The following NFATC3 variants were observed in gnomAD, a reference collection of about 807,000 sequenced individuals.
NFATC3 encodes nuclear factor of activated T-cells, cytoplasmic 3.
NFATC3 carries 46 observed loss-of-function variants against 98.6 expected under a neutral mutation model. The observed-to-expected ratio is 0.47, with a 90% CI of 0.37 to 0.60. The LOEUF is 0.60. Ranked by LOEUF, NFATC3 falls within the 20% of genes least tolerant of loss-of-function variation. The pLI is 0.00. For missense variants in NFATC3, 1,256 were observed against 1,295.5 expected, an observed-to-expected ratio of 0.97 and a Z score of 0.47; for synonymous variants, 512 against 472.2, an observed-to-expected ratio of 1.08 and a Z score of -1.09.
intron 3 of NFATC3, among the ~76,000 whole-genome samples, chr16:68,133,813 T>C (rs1048608484): frequency 6.6e-6 from 1 of 152,154 alleles, no homozygotes; most frequent in African/African-American, 2.4e-5. Flanking sequence ...TTATCTGTTA[T>C]CTTTTCATGG....
Position 68,105,887 on chromosome 16 carries a change from C to CT in NFATC3, c.104-16091dup, listed in dbSNP as rs200560479. On this transcript the variant is annotated intron_variant, in intron 1 of 9. Transcript: ENST00000346183. ...TACGATTGTTCATAGTATTCTTCTT[C>CT]TTTTTTTTTGAGACAGAGTCTCACT... Among the ~76,000 whole-genome samples the CT allele has an allele frequency of 7.0e-3, 1,052 of 151,002 alleles. 13 individuals are homozygous for CT. Among genetic ancestry groups the CT allele is most frequent in the South Asian group, 0.035 (168 of 4,762 alleles).
intron 1 of NFATC3, among the ~76,000 whole-genome samples, chr16:68,105,612 T>C (rs1236956831): frequency 1.3e-5 from 2 of 152,176 alleles, no homozygotes; most frequent in African/African-American, 4.8e-5. Flanking sequence ...AATACTGGCC[T>C]CATAGAATGT....
At chr16:68,172,956 AG>A (rs2039531152) in intron 5 of NFATC3, among the ~76,000 whole-genome samples, 1 of 152,128 alleles carries the variant, frequency 6.6e-6, no homozygotes, top group Non-Finnish European at 1.5e-5. Context: ...CACTGTTTAT[AG>A]AAGTTGATAA....
intron 1 of NFATC3, among the ~76,000 whole-genome samples, chr16:68,087,518 T>A (rs1242693703): frequency 6.6e-6 from 1 of 152,216 alleles, no homozygotes; most frequent in Non-Finnish European, 1.5e-5. Context: ...CACTTTAAAA[T>A]ATTTTAAGCA....
intron 8 of NFATC3, 73 bp from the exon 9 acceptor site, chr16:68,190,695 C>A: frequency 1.4e-6 from 2 of 1,461,070 alleles, no homozygotes; most frequent in Non-Finnish European, 9.2e-7. Flanking sequence ...AGTTGTGTAA[C>A]CTAGCATGAA....
Position 68,226,436 on chromosome 16 carries a change from GA to G in NFATC3, c.3194del (p.Glu1065GlyfsTer5), listed in dbSNP as rs1273795935. On this transcript the variant is annotated frameshift_variant, in exon 10 of 10. Coordinates refer to ENST00000346183, the MANE Select transcript of NFATC3 (RefSeq NM_173165.3). LOFTEE classifies it high-confidence loss of function. ...CAGGCAGGCTCCCCTCCCGAGTCCT[GA>G]GTCCCTGGATTTAGGAAGATCTGAT... is the stretch of plus-strand genomic sequence containing the variant. ...VSRQAPLPSP[E>X]SLDLGRSDGL The G allele has an allele frequency of 6.4e-7, 1 of 1,564,180 alleles. No individual in the cohort carries two copies. The highest frequency in any genetic ancestry group is 8.6e-7 in the Non-Finnish European group (1 of 1,160,534).
intron 4 of NFATC3, among the ~76,000 whole-genome samples, chr16:68,160,124 T>G (rs1374344247): frequency 6.6e-6 from 1 of 152,098 alleles, no homozygotes; most frequent in Non-Finnish European, 1.5e-5. Context: ...TCATTTAAAT[T>G]TATATTTAAA....
chr16:68,158,358 T>A (rs2038717818), intron 4 of NFATC3, among the ~76,000 whole-genome samples: 1 of 152,120 alleles, frequency 6.6e-6, no homozygotes, highest in Non-Finnish European at 1.5e-5. Context: ...TCTAATAGGG[T>A]AGACAATAAA....
intron 9 of NFATC3, chr16:68,224,920 A>G (rs1266018842): frequency 3.3e-5 from 5 of 152,118 alleles, no homozygotes; most frequent in African/African-American, 9.7e-5. Context: ...GAGTTTTGCA[A>G]CTATTACTAG....
chr16:68,223,033 G>A (rs979567496), intron 9 of NFATC3, among the ~76,000 whole-genome samples: 6 of 152,166 alleles, frequency 3.9e-5, no homozygotes, highest in African/African-American at 1.4e-4. Flanking sequence ...TGTATAAGAG[G>A]TATTTCTCTT....
chr16:68,123,700 C>T (rs923754651), intron 2 of NFATC3, among the ~76,000 whole-genome samples: 1 of 151,684 alleles, frequency 6.6e-6, no homozygotes, highest in Middle Eastern at 3.2e-3. Flanking sequence ...AATTTAATTA[C>T]TAAGAAAACT....
intron 1 of NFATC3, chr16:68,089,261 A>G: frequency 1.0e-6 from 1 of 985,452 alleles, no homozygotes; most frequent in Non-Finnish European, 1.2e-6. Flanking sequence ...GTCCTAAGCA[A>G]GCTTGTTAAA....
intron 8 of NFATC3, among the ~76,000 whole-genome samples, chr16:68,184,414 G>GT (rs975706460): frequency 1.3e-5 from 2 of 152,150 alleles, no homozygotes; most frequent in African/African-American, 2.4e-5. Flanking sequence ...ATAGCTTTAG[G>GT]TTTTTTCCGC....
chr16:68,177,054 T>A (rs1433904798), intron 6 of NFATC3, among the ~76,000 whole-genome samples: 3 of 150,850 alleles, frequency 2.0e-5, no homozygotes. Flanking sequence ...TTTGTTTTTT[T>A]AATTTTGGGA....
chr16:68,101,324 C>T (rs936614429), intron 1 of NFATC3, among the ~76,000 whole-genome samples: 1 of 151,864 alleles, frequency 6.6e-6, no homozygotes, highest in African/African-American at 2.4e-5. Context: ...TTAAATTTTT[C>T]GTAGAGATAT....
chr16:68,221,484 T>C (rs2041863086), intron 9 of NFATC3: 1 of 1,288,376 alleles, frequency 7.8e-7, no homozygotes, highest in South Asian at 2.7e-5. Context: ...TTTGTTGTCA[T>C]TGTTCCAAGT....
At chr16:68,192,230 AATAT>A (rs1555522048) in intron 9 of NFATC3, 1 of 82,600 alleles carries the variant, frequency 1.2e-5, no homozygotes, top group Admixed American at 1.8e-4. Flanking sequence ...AAAAAAAAAA[AATAT>A]ATATATATAT....
intron 7 of NFATC3, among the ~76,000 whole-genome samples, chr16:68,182,439 G>A (rs918865036): frequency 6.6e-6 from 1 of 151,970 alleles, no homozygotes; most frequent in African/African-American, 2.4e-5. Flanking sequence ...TTTCACCTTG[G>A]TTTTGTAAAA....
chr16:68,085,634 G>A lies in NFATC3; in HGVS notation c.-48G>A, dbSNP rs1242277698. 2 of 1,373,854 alleles carry A rather than the reference G, an allele frequency of 1.5e-6. No individual in the cohort carries two copies. Among genetic ancestry groups the A allele is most frequent in the Admixed American group, 2.7e-5 (1 of 37,090 alleles). 85.1% of individuals were successfully genotyped at this position (1,373,854 alleles called of 1,614,324 possible). ...GGAGCTGCTGCCGCCGCTTGCCGCTGCCGCCGCCGCCGCCTGAGGAGGAGC... is the reference window on the plus strand; with the variant it reads ...GGAGCTGCTGCCGCCGCTTGCCGCTACCGCCGCCGCCGCCTGAGGAGGAGC... On this transcript the variant is annotated 5_prime_UTR_variant, in exon 1 of 10. Transcript: ENST00000346183.
Sources: gnomAD v4.1 joint callset for allele counts (sites outside exome capture counted in the v4.1 genomes callset) on GRCh38, gnomAD v4.1.1 for gene constraint, MANE v1.5 for transcripts, NCBI Gene and HGNC (gene_info 2026-07-23, HGNC 2026-07-21) for gene names.